COL6A3: variants seen among roughly 807,000 people sequenced by gnomAD.
COL6A3 encodes collagen alpha-3(VI) chain.
Under a neutral mutation model 274.1 loss-of-function variants are expected in COL6A3, and 137 were observed. That is an observed-to-expected ratio of 0.50 (90% CI 0.44 to 0.58). The LOEUF (loss-of-function observed/expected upper bound fraction) is 0.58, where lower values mean the gene tolerates loss of function less well. Ranked by LOEUF, COL6A3 falls within the 20% of genes least tolerant of loss-of-function variation. The pLI is 0.00. For synonymous variants in COL6A3, 1,650 were observed against 1,650.6 expected, an observed-to-expected ratio of 1.00 and a Z score of 0.01; for missense variants, 3,950 against 4,124.9, an observed-to-expected ratio of 0.96 and a Z score of 1.16.
At chr2:237,360,962 G>A (rs1306440124) in intron 16 of COL6A3, among the ~76,000 whole-genome samples, 159 bp downstream of exon 16, 1 of 152,134 alleles carries the variant, frequency 6.6e-6, no homozygotes, top group Admixed American at 6.5e-5. Flanking sequence ...ATCGTACTTA[G>A]ACATCCAGGC....
At chr2:237,388,668 C>G (rs2078213956) in intron 3 of COL6A3, among the ~76,000 whole-genome samples, 1 of 152,216 alleles carries the variant, frequency 6.6e-6, no homozygotes, top group Admixed American at 6.5e-5. Flanking sequence ...AAATCCACAG[C>G]TACAAAACAG....
chr2:237,402,815 T>C (rs2078624910), intron 1 of COL6A3, among the ~76,000 whole-genome samples: 1 of 152,134 alleles, frequency 6.6e-6, no homozygotes, highest in African/African-American at 2.4e-5. Flanking sequence ...GCCTGAGCTT[T>C]TGTATCTCTA....
intron 1 of COL6A3, among the ~76,000 whole-genome samples, chr2:237,411,026 A>T (rs191684087): frequency 5.9e-5 from 9 of 152,320 alleles, no homozygotes; most frequent in Admixed American, 4.6e-4. Flanking sequence ...TTTAAATGTC[A>T]GGTCCCTCCT....
chr2:237,353,596 A>G (rs903745232), intron 24 of COL6A3, among the ~76,000 whole-genome samples, 193 bp from the exon 25 acceptor site: 2 of 152,152 alleles, frequency 1.3e-5, no homozygotes, highest in African/African-American at 4.8e-5. Context: ...GTCTCCCTGC[A>G]CTTCTACAAT....
intron 23 of COL6A3, 80 bp from the exon 24 acceptor site, chr2:237,355,014 A>C: frequency 7.5e-7 from 1 of 1,326,310 alleles, no homozygotes; most frequent in South Asian, 1.2e-5. Context: ...TTCAGACTTC[A>C]CCCTCTTATT....
chr2:237,406,369 G>C (rs1346433926), intron 1 of COL6A3, among the ~76,000 whole-genome samples: 6 of 152,148 alleles, frequency 3.9e-5, no homozygotes, highest in Admixed American at 6.5e-5. Flanking sequence ...CCATTTTGAA[G>C]TCATTTATTT....
chr2:237,412,808 G>A (rs937718067), intron 1 of COL6A3, among the ~76,000 whole-genome samples: 2 of 152,108 alleles, frequency 1.3e-5, no homozygotes, highest in African/African-American at 2.4e-5. Context: ...TGTGGTCCTC[G>A]CCGGGGTGAG....
intron 37 of COL6A3, among the ~76,000 whole-genome samples, chr2:237,341,740 C>T (rs776099997): frequency 3.9e-5 from 6 of 152,060 alleles, no homozygotes; most frequent in Non-Finnish European, 7.4e-5. Flanking sequence ...ACTTCTCTGC[C>T]ACTCTTTGAA....
intron 42 of COL6A3, among the ~76,000 whole-genome samples, chr2:237,331,645 G>T (rs1334693736): frequency 6.6e-6 from 1 of 151,916 alleles, no homozygotes; most frequent in Admixed American, 6.5e-5. Flanking sequence ...GCCAAGGCAG[G>T]TTAAGTGCTT....
At position 237,361,199 on chromosome 2, in the gene COL6A3, T is replaced by C. The variant is rs887626374; in HGVS notation, c.6157-25A>G. On this transcript the variant is annotated intron_variant, in intron 15 of 43. Transcript: ENST00000295550. This position sits in a 1 kb window ranked among gnomAD's most constrained non-coding sequence, Gnocchi z 5.1. ...CCTGAAACAAAGTAATCGGGTCCTCTGTTTAATCCCGTGGTCTTCTTTGCT... is the reference window on the plus strand; with the variant it reads ...CCTGAAACAAAGTAATCGGGTCCTCCGTTTAATCCCGTGGTCTTCTTTGCT... The C allele has an allele frequency of 6.2e-7, 1 of 1,611,192 alleles. No homozygotes were observed. The highest frequency in any genetic ancestry group is 1.7e-4 in the Middle Eastern group (1 of 6,056).
At chr2:237,396,261 G>C (rs1407070846) in intron 2 of COL6A3, among the ~76,000 whole-genome samples, 1 of 152,194 alleles carries the variant, frequency 6.6e-6, no homozygotes, top group Admixed American at 6.5e-5. Context: ...AAATCTTAAA[G>C]ATTCAAGGAT....
intron 7 of COL6A3, 36 bp downstream of exon 7, chr2:237,376,736 C>G: frequency 1.2e-6 from 2 of 1,600,106 alleles, no homozygotes; most frequent in African/African-American, 2.7e-5. Context: ...CATTAGAGAA[C>G]TGAGTGGCAG....
chr2:237,331,804 G>GAC (rs1700242110), intron 42 of COL6A3, among the ~76,000 whole-genome samples: 1 of 150,788 alleles, frequency 6.6e-6, no homozygotes, highest in African/African-American at 2.4e-5. Flanking sequence ...TACATACACA[G>GAC]ACACACACAC....
chr2:237,359,724 A>T (rs916650435), intron 17 of COL6A3, among the ~76,000 whole-genome samples: 1 of 152,156 alleles, frequency 6.6e-6, no homozygotes, highest in Non-Finnish European at 1.5e-5. Flanking sequence ...CAAGTTCACC[A>T]GCCTTCAACC....
In COL6A3 at chr2:237,367,105, C is replaced by T. The variant is rs751485047; in HGVS notation, c.5082G>A (p.Lys1694=). The change falls in exon 11 of 44, where the codon AAG becomes AAA. Residue 1694 remains lysine, a synonymous_variant. Transcript: ENST00000295550. ...NSDPTDEFFL[K]DFSTKRQIID... Reference sequence around the variant, plus strand: ...TAATCTGCCTCTTGGTAGAGAAGTCCTTCAGGAAGAATTCGTCAGTGGGGT... The same window carrying T: ...TAATCTGCCTCTTGGTAGAGAAGTCTTTCAGGAAGAATTCGTCAGTGGGGT... The T allele has an allele frequency of 6.2e-7, 1 of 1,614,196 alleles. No homozygotes were observed. The highest frequency in any genetic ancestry group is 1.1e-5 in the South Asian group (1 of 91,078).
intron 25 of COL6A3, 27 bp downstream of exon 25, chr2:237,353,314 C>A (rs1281998894): frequency 6.2e-7 from 1 of 1,606,946 alleles, no homozygotes; most frequent in East Asian, 2.2e-5. Flanking sequence ...TATCAGAGGG[C>A]ACACAGTCAC....
At position 237,334,658 on chromosome 2, in the gene COL6A3, A is replaced by T. The variant is rs752209951; in HGVS notation, c.9197T>A (p.Val3066Asp). The T allele has an allele frequency of 1.2e-6, 2 of 1,613,660 alleles. No individual in the cohort carries two copies. Among genetic ancestry groups the T allele is most frequent in the South Asian group, 2.2e-5 (2 of 91,042 alleles). ...GAAACTTCCGTGGTAGGTGGCTCTGACCTGAGACCTCAGGTAGCAGACCAC... is the reference window on the plus strand; with the variant it reads ...GAAACTTCCGTGGTAGGTGGCTCTGTCCTGAGACCTCAGGTAGCAGACCAC... ...VAVVCYLRSQ[V>D]RATYHGSFST... The change falls in exon 41 of 44, where the codon GTC becomes GAC. Residue 3066 changes from valine (V) to aspartate (D), a missense_variant. Physicochemically the swap from Val to Asp is radical, Grantham distance 152. This residue lies in a region of COL6A3 where 1,284 missense variants were observed against 1,349.7 expected (regional missense o/e 0.95). Coordinates refer to ENST00000295550, the MANE Select transcript of COL6A3 (RefSeq NM_004369.4).
At chr2:237,366,566 G>C in intron 11 of COL6A3, 121 bp downstream of exon 11, 1 of 1,482,162 alleles carries the variant, frequency 6.7e-7, no homozygotes, top group Non-Finnish European at 9.4e-7. Context: ...GTGGGTATAA[G>C]TAAATGTATG....
intron 6 of COL6A3, among the ~76,000 whole-genome samples, chr2:237,377,745 C>A (rs1238887506): frequency 7.1e-6 from 1 of 140,794 alleles, no homozygotes; most frequent in Non-Finnish European, 1.6e-5. Context: ...ATCTCAATCT[C>A]TAGAAAAAAA....
Sources: allele counts gnomAD v4.1 joint callset (sites outside exome capture counted in the v4.1 genomes callset), GRCh38; gene constraint gnomAD v4.1.1; regional missense constraint gnomAD v4.1.1; non-coding constraint Gnocchi (gnomAD v3.1); transcripts MANE v1.5; gene names NCBI Gene and HGNC (gene_info 2026-07-23, HGNC 2026-07-21).